HSPA4: variants seen among roughly 807,000 people sequenced by gnomAD.
HSPA4 encodes the protein heat shock 70 kDa protein 4.
Under a neutral mutation model 106.2 loss-of-function variants are expected in HSPA4, and 25 were observed. That is an observed-to-expected ratio of 0.24 (90% CI 0.17 to 0.33). HSPA4 has a LOEUF of 0.33. Ranked by LOEUF, HSPA4 falls within the 10% of genes least tolerant of loss-of-function variation. The pLI is 1.00. For synonymous variants in HSPA4, 332 were observed against 333.6 expected (o/e 1.00, Z 0.05); for missense variants, 841 against 996.0 (o/e 0.84, Z 2.10).
chr5:133,074,959 T>A (rs367570224), intron 6 of HSPA4, among the ~76,000 whole-genome samples: 35 of 152,230 alleles, frequency 2.3e-4, no homozygotes, highest in African/African-American at 8.2e-4. Context: ...TTAAAATTGT[T>A]GGTGCCAAGG....
rs762583973 is a variant in HSPA4, at chr5:133,052,213, G to A, written c.-38G>A. On this transcript the variant is annotated 5_prime_UTR_variant, in exon 1 of 19. Coordinates refer to ENST00000304858, the MANE Select transcript of HSPA4 (RefSeq NM_002154.4). ...CGGGGGTCCGTGTCCTGTCTCGGTG[G>A]CCGGACCCGGGCCCGAGCCCGAGCA... The A allele has an allele frequency of 7.0e-7, 1 of 1,438,042 alleles. No homozygotes were observed. The highest frequency in any genetic ancestry group is 1.2e-5 in the South Asian group (1 of 83,010). The allele number at this position is 1,438,042 out of a possible 1,614,324, so 89.1% of individuals were successfully genotyped here. A position where few individuals can be genotyped will look rare whatever the true frequency, so the allele number is the denominator to read the frequency against.
At chr5:133,088,731 A>T (rs1409905010) in intron 9 of HSPA4, among the ~76,000 whole-genome samples, 176 bp downstream of exon 9, 1 of 152,236 alleles carries the variant, frequency 6.6e-6, no homozygotes, top group Non-Finnish European at 1.5e-5. Context: ...TCTATAGCAC[A>T]TAAGATGAAT....
chr5:133,085,317 A>G (rs1329896930), intron 7 of HSPA4, among the ~76,000 whole-genome samples: 1 of 151,818 alleles, frequency 6.6e-6, no homozygotes, highest in African/African-American at 2.4e-5. Context: ...AAAAATCTGC[A>G]TACTGTAGGA....
At chr5:133,072,956 A>T (rs1321815173) in intron 4 of HSPA4, among the ~76,000 whole-genome samples, 2 of 152,180 alleles carry the variant, frequency 1.3e-5, no homozygotes, top group African/African-American at 4.8e-5. Flanking sequence ...TAAGGATAGC[A>T]GTTTCTGGCC....
chr5:133,101,921 CTTTTTTT>C (rs60177569), intron 17 of HSPA4, 43 bp downstream of exon 17: 180 of 719,384 alleles, frequency 2.5e-4, no homozygotes, highest in East Asian at 1.5e-3. Context: ...GTAAAGTTAA[CTTTTTTT>C]TTTTTTTTTT....
chr5:133,075,549 A>T (rs1358930721), intron 6 of HSPA4, among the ~76,000 whole-genome samples: 1 of 152,176 alleles, frequency 6.6e-6, no homozygotes, highest in East Asian at 1.9e-4. Flanking sequence ...TACAAAAGTT[A>T]GCTGGGTGTG....
chr5:133,099,942 C>T (rs1483463495), intron 16 of HSPA4, among the ~76,000 whole-genome samples: 1 of 152,138 alleles, frequency 6.6e-6, no homozygotes, highest in Non-Finnish European at 1.5e-5. Flanking sequence ...AGTACCTGCC[C>T]TAAAGGCACA....
intron 6 of HSPA4, among the ~76,000 whole-genome samples, chr5:133,075,666 A>G (rs1320237192): frequency 6.6e-6 from 1 of 151,784 alleles, no homozygotes; most frequent in Non-Finnish European, 1.5e-5. Flanking sequence ...CGTCTCTACA[A>G]AGAAAATACA....
intron 2 of HSPA4, among the ~76,000 whole-genome samples, chr5:133,065,827 C>G (rs937330286): frequency 6.6e-6 from 1 of 152,158 alleles, no homozygotes; most frequent in African/African-American, 2.4e-5. Flanking sequence ...AGCAGAACCC[C>G]AAGAGTTCTG....
chr5:133,081,449 A>G (rs1012296941), intron 7 of HSPA4, among the ~76,000 whole-genome samples: 1 of 152,100 alleles, frequency 6.6e-6, no homozygotes, highest in African/African-American at 2.4e-5. Flanking sequence ...TTTAATCAGT[A>G]GTTTTTCTTC....
intron 3 of HSPA4, 82 bp from the exon 4 acceptor site, chr5:133,070,292 G>A: frequency 1.5e-6 from 2 of 1,326,428 alleles, no homozygotes; most frequent in Admixed American, 2.3e-5. Context: ...ATAATGGGAA[G>A]CATTGTTCAT....
intron 1 of HSPA4, among the ~76,000 whole-genome samples, chr5:133,060,372 T>G (rs1765225695): frequency 6.6e-6 from 1 of 152,018 alleles, no homozygotes; most frequent in Non-Finnish European, 1.5e-5. Flanking sequence ...TGTTATACTT[T>G]TTTTTTTTTG....
chr5:133,089,613 T>TA lies in HSPA4; in HGVS notation c.1297dup (p.Thr433AsnfsTer4), dbSNP rs1378645126. The TA allele has an allele frequency of 6.2e-7, 1 of 1,612,386 alleles. No homozygotes were observed. The highest frequency in any genetic ancestry group is 8.5e-7 in the Non-Finnish European group (1 of 1,178,568). On this transcript the variant is annotated frameshift_variant, in exon 11 of 19. Transcript: ENST00000304858. LOFTEE classifies it high-confidence loss of function. Reference sequence around the variant, plus strand: ...ATGCTGCTCCTTTCTCTAAAGTTCTTACATTTTATAGAAAGGAACCTTTCA... The same window carrying TA: ...ATGCTGCTCCTTTCTCTAAAGTTCTTAACATTTTATAGAAAGGAACCTTTCA...
intron 1 of HSPA4, among the ~76,000 whole-genome samples, chr5:133,058,180 T>A (rs1253274736): frequency 6.6e-6 from 1 of 151,914 alleles, no homozygotes; most frequent in African/African-American, 2.4e-5. Context: ...TTGCTTGAAG[T>A]TAGGAGTGTG....
intron 6 of HSPA4, among the ~76,000 whole-genome samples, chr5:133,074,339 C>T (rs1160722205): frequency 3.3e-5 from 5 of 150,330 alleles, no homozygotes; most frequent in Admixed American, 6.7e-5. Context: ...AGTGCAATGG[C>T]GCGATCTTGG....
At chr5:133,064,011 C>T (rs1379544727) in intron 1 of HSPA4, among the ~76,000 whole-genome samples, 2 of 152,184 alleles carry the variant, frequency 1.3e-5, no homozygotes, top group South Asian at 2.1e-4. Context: ...ATCCGCCTGC[C>T]TCAGCCCGCC....
intron 1 of HSPA4, among the ~76,000 whole-genome samples, chr5:133,057,505 C>T (rs1387718624): frequency 2.0e-5 from 3 of 152,176 alleles, no homozygotes; most frequent in South Asian, 4.1e-4. Context: ...ACTACAGGTG[C>T]ATGCCACCGC....
At position 133,073,235 on chromosome 5, in the gene HSPA4, T is replaced by C; in HGVS notation, c.435T>C (p.Pro145=). 6.3e-7 allele frequency: 1 copy of C among 1,580,766 alleles called. No homozygotes were observed. The highest frequency in any genetic ancestry group is 8.6e-7 in the Non-Finnish European group (1 of 1,164,570). Residue 145 remains proline (P), a synonymous_variant, in exon 5 of 19, where the codon CCT becomes CCC. Transcript: ENST00000304858. The part of the protein sequence containing the change: ...KPVVDCVVSV[P]CFYTDAERRS... ...ATTCTTTTTTTTTTTTGTAGGTTCC[T>C]TGTTTCTATACTGATGCAGAAAGAC... is the stretch of plus-strand genomic sequence containing the variant.
chr5:133,070,249 T>C (rs1456718637), intron 3 of HSPA4, 125 bp from the exon 4 acceptor site: 1 of 933,662 alleles, frequency 1.1e-6, no homozygotes, highest in Non-Finnish European at 1.6e-6. Context: ...CTTTTTTTTT[T>C]TTTCAATCCC....
Sources: gnomAD v4.1 joint callset for allele counts (sites outside exome capture counted in the v4.1 genomes callset) on GRCh38, gnomAD v4.1.1 for gene constraint, MANE v1.5 for transcripts, NCBI Gene and HGNC (gene_info 2026-07-23, HGNC 2026-07-21) for gene names.